The following GABRB2 variants were observed in gnomAD, a reference collection of about 807,000 sequenced individuals.
GABRB2 encodes the protein gamma-aminobutyric acid receptor subunit beta-2.
Under a neutral mutation model 54.7 loss-of-function variants are expected in GABRB2, and 16 were observed. That is an observed-to-expected ratio of 0.29 (90% CI 0.20 to 0.44). The LOEUF is 0.44. GABRB2 is among the 20% of genes least tolerant of loss of function. The pLI, the probability that GABRB2 is intolerant of heterozygous loss-of-function variation, is 1.00. For missense variants in GABRB2, 355 were observed against 644.0 expected (o/e 0.55, Z 4.86); for synonymous variants, 244 against 233.8 (o/e 1.04, Z -0.40).
intron 5 of GABRB2, among the ~76,000 whole-genome samples, chr5:161,356,471 T>C (rs780053920): frequency 2.0e-5 from 3 of 152,144 alleles, no homozygotes; most frequent in Non-Finnish European, 4.4e-5. Context: ...TATGTCCTCA[T>C]GTTTGGCATG....
intron 3 of GABRB2, among the ~76,000 whole-genome samples, chr5:161,497,841 C>A (rs956514923): frequency 2.6e-5 from 4 of 152,072 alleles, no homozygotes; most frequent in Non-Finnish European, 5.9e-5. Context: ...GCCCTCAAAC[C>A]CAGCTGGACT....
At chr5:161,400,634 G>A (rs765705731) in intron 5 of GABRB2, among the ~76,000 whole-genome samples, 40 of 152,138 alleles carry the variant, frequency 2.6e-4, no homozygotes, top group Non-Finnish European at 4.7e-4. Flanking sequence ...CAAACTCTCA[G>A]TGTCCTGAGA....
intron 5 of GABRB2, among the ~76,000 whole-genome samples, chr5:161,397,524 T>C (rs1756041304): frequency 6.6e-6 from 1 of 152,182 alleles, no homozygotes; most frequent in Admixed American, 6.5e-5. Flanking sequence ...GAGAGTGGCT[T>C]TGTGTCTTAA....
At chr5:161,338,236 C>T (rs1053920914) in intron 5 of GABRB2, among the ~76,000 whole-genome samples, 2 of 152,086 alleles carry the variant, frequency 1.3e-5, no homozygotes, top group Non-Finnish European at 2.9e-5. Flanking sequence ...ATAAGAGTAG[C>T]CATCTTTATC....
chr5:161,518,107 C>T (rs894085852), intron 3 of GABRB2, among the ~76,000 whole-genome samples: 2 of 152,078 alleles, frequency 1.3e-5, no homozygotes, highest in African/African-American at 4.8e-5. Context: ...TGCACCTGGC[C>T]AATTTCTGAT....
chr5:161,295,292 T>C (rs1757351798), intron 9 of GABRB2, among the ~76,000 whole-genome samples: 1 of 152,174 alleles, frequency 6.6e-6, no homozygotes, highest in Non-Finnish European at 1.5e-5. Context: ...GATAATTTCT[T>C]CTTGCAAAGC....
intron 3 of GABRB2, among the ~76,000 whole-genome samples, chr5:161,503,709 CAAAAAAA>C (rs33992062): frequency 1.1e-5 from 1 of 91,686 alleles, no homozygotes. Flanking sequence ...AATTCCTTCT[CAAAAAAA>C]AAAAAAAAAA....
intron 3 of GABRB2, among the ~76,000 whole-genome samples, chr5:161,499,574 A>G (rs774478088): frequency 3.3e-5 from 5 of 152,224 alleles, no homozygotes; most frequent in African/African-American, 4.8e-5. Flanking sequence ...TATCACCAAT[A>G]CCATACTTGT....
At chr5:161,333,424 T>TGGTACTG (rs1417290872) in intron 7 of GABRB2, among the ~76,000 whole-genome samples, 1 of 152,172 alleles carries the variant, frequency 6.6e-6, no homozygotes, top group Non-Finnish European at 1.5e-5. Context: ...AGTGTATATA[T>TGGTACTG]CACAGGTGCT....
At chr5:161,365,872 T>G (rs571365847) in intron 5 of GABRB2, among the ~76,000 whole-genome samples, 1 of 152,156 alleles carries the variant, frequency 6.6e-6, no homozygotes, top group African/African-American at 2.4e-5. Context: ...CCATTTTATT[T>G]TTATTCTTTT....
At chr5:161,403,183 C>T (rs1187287567) in intron 5 of GABRB2, among the ~76,000 whole-genome samples, 2 of 152,070 alleles carry the variant, frequency 1.3e-5, no homozygotes, top group African/African-American at 4.8e-5. Context: ...AGATATTGGA[C>T]TGAAGAGAAT....
chr5:161,504,152 C>T (rs1759531718), intron 3 of GABRB2, among the ~76,000 whole-genome samples: 2 of 151,588 alleles, frequency 1.3e-5, no homozygotes, highest in South Asian at 2.1e-4. Context: ...ATCAAGTAGA[C>T]CAAAAAAAAT....
intron 3 of GABRB2, among the ~76,000 whole-genome samples, chr5:161,480,118 T>C (rs746577546): frequency 3.9e-5 from 6 of 151,932 alleles, no homozygotes; most frequent in Non-Finnish European, 7.4e-5. Flanking sequence ...GTCAGTACAA[T>C]GGTAGTCCTT....
At chr5:161,314,429 A>G (rs1757964984) in intron 9 of GABRB2, among the ~76,000 whole-genome samples, 1 of 152,154 alleles carries the variant, frequency 6.6e-6, no homozygotes, top group Non-Finnish European at 1.5e-5. Context: ...TGTCAGGTCC[A>G]TTTTTGTTAT....
chr5:161,325,059 G>A (rs995737797), intron 9 of GABRB2, among the ~76,000 whole-genome samples: 20 of 152,130 alleles, frequency 1.3e-4, no homozygotes, highest in Admixed American at 5.9e-4. Flanking sequence ...CAATAATCAT[G>A]TAGTGTGTTT....
chr5:161,409,591 CT>C (rs1561640326), intron 5 of GABRB2, among the ~76,000 whole-genome samples: 1 of 152,032 alleles, frequency 6.6e-6, no homozygotes, highest in Admixed American at 6.6e-5. Context: ...AAAAAATGCT[CT>C]TATGTTCTCT....
At chr5:161,541,293 G>T (rs1014438423) in intron 3 of GABRB2, among the ~76,000 whole-genome samples, 1 of 152,030 alleles carries the variant, frequency 6.6e-6, no homozygotes, top group African/African-American at 2.4e-5. Flanking sequence ...AGGCCGAGTA[G>T]ATTTAGCATC....
At chr5:161,409,524 A>C (rs1756445224) in intron 5 of GABRB2, among the ~76,000 whole-genome samples, 1 of 152,106 alleles carries the variant, frequency 6.6e-6, no homozygotes. Flanking sequence ...TATCCATGAA[A>C]GTCCTTCACC....
At chr5:161,297,252 A>G (rs920791358) in intron 9 of GABRB2, among the ~76,000 whole-genome samples, 5 of 152,172 alleles carry the variant, frequency 3.3e-5, no homozygotes, top group Non-Finnish European at 5.9e-5. Flanking sequence ...TCATATCAAC[A>G]GAATACTTCA....
Sources: gnomAD v4.1 joint callset for allele counts (sites outside exome capture counted in the v4.1 genomes callset) on GRCh38, gnomAD v4.1.1 for gene constraint, MANE v1.5 for transcripts, NCBI Gene and HGNC (gene_info 2026-07-23, HGNC 2026-07-21) for gene names.